USP42: variants seen among roughly 807,000 people sequenced by gnomAD.
USP42 encodes the protein ubiquitin specific peptidase 42, also known as ubiquitin carboxyl-terminal hydrolase 42.
A neutral mutation model predicts 113.0 loss-of-function variants in USP42; 23 were observed. That is an observed-to-expected ratio of 0.20 (90% CI 0.15 to 0.29). USP42 has a LOEUF of 0.29. Ranked by LOEUF, USP42 falls within the 10% of genes least tolerant of loss-of-function variation. USP42 has a pLI of 1.00. For missense variants in USP42, 2,174 were observed against 1,779.8 expected, an observed-to-expected ratio of 1.22 and a Z score of -3.99; for synonymous variants, 933 against 699.0, an observed-to-expected ratio of 1.33 and a Z score of -5.28.
At chr7:6,088,725 T>C in the USP42 span, 1 of 151,286 alleles carries the variant, frequency 6.6e-6, no homozygotes, top group Non-Finnish European at 1.5e-5. Context: ...TATAATTTTC[T>C]CTTTCCACCA....
In USP42 at chr7:6,155,092, A is replaced by G; in HGVS notation, c.3538A>G (p.Arg1180Gly). Reference protein sequence around the residue: ...SDSHVEKKARRSEQKDPLEEP... With the variant: ...SDSHVEKKARGSEQKDPLEEP... ...CAGTCATGTTGAAAAGAAAGCCCGG[A>G]GGAGCGAACAGAAGGATCCTCTAGA... Residue 1180 changes from arginine (R) to glycine (G), a missense_variant, in exon 15 of 18, where the codon AGG becomes GGG. Coordinates refer to ENST00000306177, the MANE Select transcript of USP42 (RefSeq NM_032172.3). 1 of 1,560,768 alleles carries G rather than the reference A, an allele frequency of 6.4e-7. No homozygotes were observed. The highest frequency in any genetic ancestry group is 8.7e-7 in the Non-Finnish European group (1 of 1,152,540).
chr7:6,093,015 C>A, the USP42 span: 1 of 150,720 alleles, frequency 6.6e-6, no homozygotes, highest in Admixed American at 6.6e-5. Flanking sequence ...TCTAGTGTGT[C>A]TGTTTCCAAA....
At chr7:6,146,294 C>T (rs763798050) in intron 11 of USP42, 46 bp downstream of exon 11, 60 of 1,106,976 alleles carry the variant, frequency 5.4e-5, no homozygotes, top group Non-Finnish European at 7.5e-5. Context: ...TATGTCATTT[C>T]TTCTTGTCTT....
At chr7:6,107,833 A>G (rs1779376924) in intron 1 of USP42, among the ~76,000 whole-genome samples, 1 of 152,128 alleles carries the variant, frequency 6.6e-6, no homozygotes, top group Non-Finnish European at 1.5e-5. Context: ...TTTCTTCCTG[A>G]TTGAGGGTCA....
the USP42 span, among the ~76,000 whole-genome samples, chr7:6,098,731 A>C: frequency 6.7e-6 from 1 of 149,830 alleles, no homozygotes; most frequent in Non-Finnish European, 1.5e-5. Flanking sequence ...TTTTTAGTAG[A>C]GACGGGGTTT....
At chr7:6,102,996 T>A (rs1440970985), upstream of USP42, among the ~76,000 whole-genome samples, 1 of 150,550 alleles carries the variant, frequency 6.6e-6, no homozygotes. Flanking sequence ...CAGGTAAACA[T>A]GAGTTGGTGT....
chr7:6,160,508 C>G lies in USP42; in HGVS notation c.*37-47C>G, dbSNP rs963714570. 4 of 152,684 alleles carry G rather than the reference C, an allele frequency of 2.6e-5. No individual in the cohort carries two copies. The East Asian group carries it at 7.7e-4, about 29-fold the overall frequency. The allele number at this position is 152,684 out of a possible 1,614,324, so 9.5% of individuals were successfully genotyped here. ...GGCGTCCGGGAATAAGCCCTACACG[C>G]CGCCGCCTGCCTCCAACTCACTAAC... On this transcript the variant is annotated intron_variant, in intron 17 of 17. Coordinates refer to ENST00000306177, the MANE Select transcript of USP42 (RefSeq NM_032172.3).
In USP42 at chr7:6,147,822, A is replaced by G. The variant is rs757451725; in HGVS notation, c.1316A>G (p.Gln439Arg). ...GQSSPRPVIS[Q>R]RVVTNKQAAP... ...TCCTCTCCCCGCCCCGTCATCAGTC[A>G]GCGGGTTGTCACCAACAAACAGGCT... The change falls in exon 12 of 18, where the codon CAG (glutamine) becomes CGG (arginine). Residue 439 changes from glutamine to arginine, a missense_variant. By Grantham distance (43) the Gln-to-Arg change is conservative (BLOSUM62 1). Transcript: ENST00000306177. The G allele has an allele frequency of 6.2e-6, 10 of 1,613,654 alleles. No homozygotes were observed. The highest frequency in any genetic ancestry group is 5.9e-6 in the Non-Finnish European group (7 of 1,179,770).
chr7:6,119,069 G>A (rs1038489395), intron 3 of USP42, among the ~76,000 whole-genome samples: 2 of 151,446 alleles, frequency 1.3e-5, no homozygotes, highest in Non-Finnish European at 2.9e-5. Flanking sequence ...AAAAAAATTA[G>A]CTGCATCTGG....
chr7:6,128,097 C>A (rs1780640212), intron 3 of USP42: 3 of 151,948 alleles, frequency 2.0e-5, no homozygotes, highest in Admixed American at 2.0e-4. Flanking sequence ...ACAGGCGTGT[C>A]CCACCATGAC....
At chr7:6,114,614 TATAC>T (rs1019197636) in intron 2 of USP42, among the ~76,000 whole-genome samples, 15 of 143,308 alleles carry the variant, frequency 1.0e-4, no homozygotes, top group African/African-American at 3.4e-4. Context: ...ATAAAATATA[TATAC>T]ATAAAATACG....
At chr7:6,130,762 C>T (rs1055727036) in intron 3 of USP42, among the ~76,000 whole-genome samples, 4 of 152,036 alleles carry the variant, frequency 2.6e-5, no homozygotes, top group African/African-American at 9.7e-5. Flanking sequence ...GGGGCAGCCA[C>T]AAGAGGAGAC....
chr7:6,114,656 G>GTGTATATATATATA (rs1187768774), intron 2 of USP42, among the ~76,000 whole-genome samples: 17 of 60,592 alleles, frequency 2.8e-4, no homozygotes, highest in East Asian at 2.6e-3. Context: ...ATGTGTGTGT[G>GTGTATATATATATA]TATATATATA....
At chr7:6,129,650 C>T (rs1354964949) in intron 3 of USP42, among the ~76,000 whole-genome samples, 1 of 151,278 alleles carries the variant, frequency 6.6e-6, no homozygotes, top group African/African-American at 2.4e-5. Flanking sequence ...TACCTGAGGT[C>T]AGGGATTCAA....
chr7:6,090,032 G>A, the USP42 span, among the ~76,000 whole-genome samples: 4 of 147,586 alleles, frequency 2.7e-5, no homozygotes, highest in African/African-American at 5.1e-5. Context: ...AGGCGCAGTG[G>A]CTCACGCCTG....
At chr7:6,119,799 G>C (rs1780111505) in intron 3 of USP42, among the ~76,000 whole-genome samples, 1 of 151,864 alleles carries the variant, frequency 6.6e-6, no homozygotes, top group Admixed American at 6.6e-5. Context: ...GACCTCCTTG[G>C]CTCAAGGGAT....
the USP42 span, among the ~76,000 whole-genome samples, chr7:6,092,057 C>CTTCTTCTTCTTCTTCTTCTTCTTCT: frequency 5.3e-4 from 30 of 56,618 alleles, 1 homozygote; most frequent in African/African-American, 2.2e-3. Context: ...CTTCTTCTTT[C>CTTCTTCTTCTTCTTCTTCTTCTTCT]TTCTTCTTCT....
Position 6,158,089 on chromosome 7 carries a change from G to C in USP42, c.3943+1034G>C, listed in dbSNP as rs574332564. Among the ~76,000 whole-genome samples, 1 of 152,354 alleles carries C rather than the reference G, an allele frequency of 6.6e-6. No individual in the cohort carries two copies. Among genetic ancestry groups the C allele is most frequent in the Admixed American group, 6.5e-5 (1 of 15,302 alleles). On this transcript the variant is annotated intron_variant, in intron 16 of 17. Transcript: ENST00000306177. The surrounding 1 kb of genome is among the most constrained non-coding windows in gnomAD (Gnocchi z 4.2). ...TTGTATGAACTTGGAGTTAAGAATG[G>C]TTTTAACCTTTTTAAGTGGTTGGAA...
At chr7:6,104,357 A>G (rs1428297672), upstream of USP42, among the ~76,000 whole-genome samples, 1 of 152,158 alleles carries the variant, frequency 6.6e-6, no homozygotes, top group African/African-American at 2.4e-5. Context: ...GCTGGGATTA[A>G]GGCGTGAGCC....
Sources: gnomAD v4.1 joint callset for allele counts (sites outside exome capture counted in the v4.1 genomes callset) on GRCh38, gnomAD v4.1.1 for gene constraint, Gnocchi (gnomAD v3.1) non-coding constraint, MANE v1.5 for transcripts, NCBI Gene and HGNC (gene_info 2026-07-23, HGNC 2026-07-21) for gene names.